Variants in KMT2C observed in about 807,000 individuals in gnomAD.
KMT2C encodes the protein lysine methyltransferase 2C.
A neutral mutation model predicts 507.9 loss-of-function variants in KMT2C; 88 were observed. The observed-to-expected ratio is 0.17, with a 90% CI of 0.15 to 0.21. KMT2C has a LOEUF of 0.21. Ranked by LOEUF, KMT2C falls within the 10% of genes least tolerant of loss-of-function variation. KMT2C has a pLI of 1.00. For synonymous variants in KMT2C, 2,049 were observed against 2,080.8 expected (o/e 0.98, Z 0.42); for missense variants, 4,954 against 5,957.8 (o/e 0.83, Z 5.55).
chr7:152,350,804 A>C (rs980055130), intron 2 of KMT2C, among the ~76,000 whole-genome samples: 1 of 152,208 alleles, frequency 6.6e-6, no homozygotes, highest in Non-Finnish European at 1.5e-5. Context: ...AATTAACCTT[A>C]GCTTACTGTA....
At chr7:152,234,291 G>C (rs1166939431) in intron 16 of KMT2C, among the ~76,000 whole-genome samples, 1 of 151,910 alleles carries the variant, frequency 6.6e-6, no homozygotes, top group African/African-American at 2.4e-5. Flanking sequence ...CTGAGGCAGG[G>C]GAAATCACTT....
chr7:152,169,146 C>A (rs375191280), intron 41 of KMT2C, 40 bp downstream of exon 41: 20 of 1,253,864 alleles, frequency 1.6e-5, no homozygotes, highest in Non-Finnish European at 1.5e-5. Context: ...TGCAGACAAG[C>A]AATCCCCAGA....
At position 152,435,901 on chromosome 7, in the gene KMT2C, C is replaced by G; in HGVS notation, c.-115G>C. 2 of 1,146,018 alleles carry G rather than the reference C, an allele frequency of 1.7e-6. No homozygotes were observed. The highest frequency in any genetic ancestry group is 2.3e-6 in the Non-Finnish European group (2 of 854,172). 71.0% of individuals were successfully genotyped at this position (1,146,018 alleles called of 1,614,324 possible). ...GTTCCTCCTCCCCGGCTCAGCCTCT[C>G]GCATTTCCCGCAGCCCCGGGAGCAG... On this transcript the variant is annotated 5_prime_UTR_variant, in exon 1 of 59. Coordinates refer to ENST00000262189, the MANE Select transcript of KMT2C (RefSeq NM_170606.3).
intron 18 of KMT2C, among the ~76,000 whole-genome samples, chr7:152,228,131 T>C (rs1014482244): frequency 3.7e-4 from 57 of 152,234 alleles, no homozygotes; most frequent in African/African-American, 1.1e-3. Context: ...TAATATTACA[T>C]TGATATTGTA....
intron 6 of KMT2C, among the ~76,000 whole-genome samples, chr7:152,302,360 A>T (rs2096577115): frequency 6.6e-6 from 1 of 152,020 alleles, no homozygotes; most frequent in African/African-American, 2.4e-5. Context: ...AGTAGCTGGG[A>T]TTACAGGCAC....
chr7:152,193,971 G>A (rs2093888036), intron 31 of KMT2C, 38 bp downstream of exon 31: 1 of 1,489,714 alleles, frequency 6.7e-7, no homozygotes, highest in Admixed American at 2.5e-5. Flanking sequence ...ATACACATGT[G>A]TGTGAATATA....
At position 152,174,261 on chromosome 7, in the gene KMT2C, G is replaced by A; in HGVS notation, c.9263-19C>T. On this transcript the variant is annotated intron_variant, in intron 38 of 58. Transcript: ENST00000262189. Reference sequence around the variant, plus strand: ...TCAAAATCTAGAAAAGAAATATAAAGTTACTTATTTCATAGTAATTAGTTC... The same window carrying A: ...TCAAAATCTAGAAAAGAAATATAAAATTACTTATTTCATAGTAATTAGTTC... 1 of 1,301,162 alleles carries A rather than the reference G, an allele frequency of 7.7e-7. No individual in the cohort carries two copies. The highest frequency in any genetic ancestry group is 1.1e-6 in the Non-Finnish European group (1 of 905,024). 80.6% of individuals were successfully genotyped at this position (1,301,162 alleles called of 1,614,324 possible).
intron 7 of KMT2C, among the ~76,000 whole-genome samples, chr7:152,272,036 A>C (rs11984077): frequency 0.044 from 6,762 of 152,040 alleles, 238 homozygotes; most frequent in South Asian, 0.09. Context: ...TATCCTATCT[A>C]AATTTTCCAT....
At chr7:152,271,611 T>C (rs1354390033) in intron 7 of KMT2C, among the ~76,000 whole-genome samples, 8 of 150,258 alleles carry the variant, frequency 5.3e-5, no homozygotes, top group Admixed American at 1.3e-4. Context: ...AAGGCGGAGT[T>C]TGCAGTGAGC....
At chr7:152,193,940 T>G in intron 31 of KMT2C, 69 bp downstream of exon 31, 1 of 1,343,526 alleles carries the variant, frequency 7.4e-7, no homozygotes, top group Non-Finnish European at 9.7e-7. Context: ...CTTGCTTGTG[T>G]GTGTATATGT....
At chr7:152,255,109 T>TTATATATATG (rs2095625884) in intron 9 of KMT2C, among the ~76,000 whole-genome samples, 2 of 78,344 alleles carry the variant, frequency 2.6e-5, no homozygotes, top group Non-Finnish European at 5.4e-5. Flanking sequence ...CAACTCTCAC[T>TTATATATATG]TATATATATA....
At chr7:152,322,588 A>G (rs971678302) in intron 3 of KMT2C, among the ~76,000 whole-genome samples, 9 of 152,018 alleles carry the variant, frequency 5.9e-5, no homozygotes, top group Non-Finnish European at 1.5e-5. Flanking sequence ...TATGTTTCGG[A>G]TGTCAAACTA....
intron 23 of KMT2C, among the ~76,000 whole-genome samples, chr7:152,214,955 TAC>T (rs987732623): frequency 2.6e-5 from 4 of 152,044 alleles, no homozygotes; most frequent in Admixed American, 2.0e-4. Context: ...ATTTTAGGTG[TAC>T]ACACACAGAG....
intron 3 of KMT2C, among the ~76,000 whole-genome samples, chr7:152,327,391 G>A (rs545963814): frequency 6.6e-6 from 1 of 152,318 alleles, no homozygotes; most frequent in African/African-American, 2.4e-5. Flanking sequence ...AAGATCTGCA[G>A]AAGAACCAAG....
At chr7:152,380,828 G>A (rs370125194) in intron 1 of KMT2C, among the ~76,000 whole-genome samples, 5 of 151,824 alleles carry the variant, frequency 3.3e-5, no homozygotes, top group East Asian at 3.9e-4. Context: ...CACGAATGGC[G>A]GGCAGGTGGA....
At chr7:152,344,598 A>G (rs775411591) in intron 2 of KMT2C, among the ~76,000 whole-genome samples, 39 of 152,112 alleles carry the variant, frequency 2.6e-4, no homozygotes, top group African/African-American at 2.9e-4. Flanking sequence ...TTGTAAACAT[A>G]TATTACAAAC....
chr7:152,148,132 G>A lies in KMT2C; in HGVS notation c.13795C>T (p.Leu4599=), dbSNP rs2129094904. The A allele has an allele frequency of 6.2e-7, 1 of 1,613,878 alleles. No individual in the cohort carries two copies. The highest frequency in any genetic ancestry group is 8.5e-7 in the Non-Finnish European group (1 of 1,179,740). ...TRYANRRCRY[L]CSIEEKDGRP... ...CCATCCTTCTCCTCAATGGAGCACAGGTAGCGGCAGCGCCTATTGGCATAG... is the reference window on the plus strand; with the variant it reads ...CCATCCTTCTCCTCAATGGAGCACAAGTAGCGGCAGCGCCTATTGGCATAG... The change falls in exon 52 of 59, where the codon CTG becomes TTG. Residue 4599 remains leucine (L), a synonymous_variant. Coordinates refer to ENST00000262189, the MANE Select transcript of KMT2C (RefSeq NM_170606.3). This position sits in a 1 kb window ranked among gnomAD's most constrained non-coding sequence, Gnocchi z 7.1.
In KMT2C at chr7:152,231,308, C is replaced by T. The variant is rs796743912; in HGVS notation, c.2770-987G>A. Among the ~76,000 whole-genome samples the T allele has an allele frequency of 4.1e-4, 62 of 152,232 alleles. 1 individual carries two copies. Among genetic ancestry groups the T allele is most frequent in the African/African-American group, 1.4e-3 (60 of 41,532 alleles). The stretch of plus-strand genomic sequence containing the variant: ...AGAGTGATTATGAAACAAAACAAAG[C>T]TCTGAACTAGAAGCTGTAGAAGAAG... On this transcript the variant is annotated intron_variant, in intron 16 of 58. Transcript: ENST00000262189.
chr7:152,173,374 C>T (rs778067010), intron 39 of KMT2C, among the ~76,000 whole-genome samples: 9 of 152,148 alleles, frequency 5.9e-5, no homozygotes, highest in African/African-American at 1.2e-4. Context: ...TAGTAATACA[C>T]GTAAGACTCA....
Sources: gnomAD v4.1 joint callset for allele counts (sites outside exome capture counted in the v4.1 genomes callset) on GRCh38, gnomAD v4.1.1 for gene constraint, Gnocchi (gnomAD v3.1) non-coding constraint, MANE v1.5 for transcripts, NCBI Gene and HGNC (gene_info 2026-07-23, HGNC 2026-07-21) for gene names.